DOCK4: variants seen among roughly 807,000 people sequenced by gnomAD.
The protein encoded by DOCK4 is dedicator of cytokinesis protein 4.
A neutral mutation model predicts 268.1 loss-of-function variants in DOCK4; 97 were observed. That is an observed-to-expected ratio of 0.36 (90% confidence interval 0.31 to 0.43). The LOEUF (loss-of-function observed/expected upper bound fraction) is 0.43, where lower values mean the gene tolerates loss of function less well. DOCK4 is among the 20% of genes least tolerant of loss of function. The probability of loss-of-function intolerance (pLI) is 1.00; values close to 1 mark genes in which losing one functional copy is unlikely to be tolerated. For synonymous variants in DOCK4, 954 were observed against 887.2 expected (o/e 1.08, Z -1.34); for missense variants, 2,145 against 2,455.7 (o/e 0.87, Z 2.67).
At chr7:112,124,030 T>A (rs957661231) in intron 1 of DOCK4, among the ~76,000 whole-genome samples, 1 of 147,286 alleles carries the variant, frequency 6.8e-6, no homozygotes, top group South Asian at 2.1e-4. Context: ...ACTAAAAACT[T>A]TTTTTTTTTT....
At chr7:112,071,756 C>G (rs769084) in intron 1 of DOCK4, among the ~76,000 whole-genome samples, 12,456 of 152,172 alleles carry the variant, frequency 0.082, 896 homozygotes, top group East Asian at 0.39. Flanking sequence ...CTTGCCTTAG[C>G]AGAGGAAAAA....
chr7:111,732,488 A>G lies in DOCK4; in HGVS notation c.5420-201T>C, dbSNP rs116701102. The G allele has an allele frequency of 1.2e-3, 736 of 598,974 alleles. 8 individuals carry two copies. The African/African-American group carries it at 0.012, about 10-fold the overall frequency. 37.1% of individuals were successfully genotyped at this position (598,974 alleles called of 1,614,324 possible). On this transcript the variant is annotated intron_variant, in intron 51 of 52. Transcript: ENST00000428084. ...TCACAAAGGGTGGCACTGCCAAGATATGGGAGCATCAGTGAAAAGTTATCA... is the reference window on the plus strand; with the variant it reads ...TCACAAAGGGTGGCACTGCCAAGATGTGGGAGCATCAGTGAAAAGTTATCA...
intron 31 of DOCK4, among the ~76,000 whole-genome samples, chr7:111,789,837 A>G (rs967787899): frequency 1.3e-5 from 2 of 152,186 alleles, no homozygotes; most frequent in Admixed American, 6.5e-5. Flanking sequence ...TAGGCCTACT[A>G]TCTCCAAATT....
chr7:112,171,586 T>C (rs932506430), intron 1 of DOCK4, among the ~76,000 whole-genome samples: 1 of 152,184 alleles, frequency 6.6e-6, no homozygotes, highest in African/African-American at 2.4e-5. Flanking sequence ...ACCAACCACA[T>C]GATGTGGGAA....
chr7:112,069,483 A>G (rs1807383033), intron 1 of DOCK4, among the ~76,000 whole-genome samples: 1 of 152,190 alleles, frequency 6.6e-6, no homozygotes, highest in Non-Finnish European at 1.5e-5. Context: ...AGACTTAGAG[A>G]AAACTGGCTA....
At chr7:111,945,656 C>A in intron 9 of DOCK4, 61 bp downstream of exon 9, 1 of 1,380,020 alleles carries the variant, frequency 7.2e-7, no homozygotes, top group Non-Finnish European at 1.0e-6. Context: ...TTTATTTCTC[C>A]TAAATAGTAT....
At chr7:112,181,933 C>T (rs1259001695) in intron 1 of DOCK4, among the ~76,000 whole-genome samples, 1 of 152,174 alleles carries the variant, frequency 6.6e-6, no homozygotes, top group African/African-American at 2.4e-5. Context: ...GTGAGAACTC[C>T]AGGCACTGGG....
intron 1 of DOCK4, among the ~76,000 whole-genome samples, chr7:112,105,714 C>T (rs1488233688): frequency 4.2e-5 from 6 of 143,806 alleles, no homozygotes; most frequent in Non-Finnish European, 9.0e-5. Context: ...TTCGAGGCAG[C>T]GTCTCAGTCT....
chr7:112,158,887 T>C (rs544903100), intron 1 of DOCK4, among the ~76,000 whole-genome samples: 5 of 152,320 alleles, frequency 3.3e-5, no homozygotes, highest in Non-Finnish European at 5.9e-5. Flanking sequence ...CCATTCTCTT[T>C]TACTACTAGC....
chr7:112,130,496 T>C (rs574168728), intron 1 of DOCK4, among the ~76,000 whole-genome samples: 1 of 152,364 alleles, frequency 6.6e-6, no homozygotes, highest in East Asian at 1.9e-4. Context: ...AATAATGTGA[T>C]GCTTTTGTCA....
chr7:112,036,701 C>T lies in DOCK4; in HGVS notation c.38-32570G>A, dbSNP rs149900173. 4.6e-3 allele frequency among the ~76,000 whole-genome samples: 692 copies of T among 150,682 alleles called. 6 individuals carry two copies. The highest frequency in any genetic ancestry group is 0.015 in the African/African-American group (622 of 40,856). The stretch of plus-strand genomic sequence containing the variant: ...CCGGAGACGGAGTCTCGCTCCATCG[C>T]CCAGGCTGGAGTGCAGTGGCATGAT... On this transcript the variant is annotated intron_variant, in intron 1 of 52. Coordinates refer to ENST00000428084, the MANE Select transcript of DOCK4 (RefSeq NM_001363540.2).
At chr7:111,902,156 C>T (rs773859280) in intron 13 of DOCK4, among the ~76,000 whole-genome samples, 1 of 152,106 alleles carries the variant, frequency 6.6e-6, no homozygotes, top group Non-Finnish European at 1.5e-5. Flanking sequence ...TCAGAGAAAC[C>T]AGTCTTATTA....
intron 11 of DOCK4, 78 bp from the exon 12 acceptor site, chr7:111,935,706 T>C: frequency 7.8e-7 from 1 of 1,282,730 alleles, no homozygotes; most frequent in Non-Finnish European, 1.1e-6. Context: ...CATCTGCCCT[T>C]TTCGTTATAA....
Position 111,804,578 on chromosome 7 carries a change from A to G in DOCK4, c.3166+4243T>C, listed in dbSNP as rs191782175. On this transcript the variant is annotated intron_variant, in intron 30 of 52. Coordinates refer to ENST00000428084, the MANE Select transcript of DOCK4 (RefSeq NM_001363540.2). ...CTGAGCTGTGGCCTGAAAAATAGTT[A>G]GAATGCACATTTATTTATATTTATT... 6.7e-3 allele frequency among the ~76,000 whole-genome samples: 1,017 copies of G among 152,190 alleles called. 7 individuals carry two copies. Among genetic ancestry groups the G allele is most frequent in the South Asian group, 0.042 (201 of 4,814 alleles).
In DOCK4 at chr7:111,726,745, A is replaced by T. The variant is rs1195592408; in HGVS notation, c.*1529T>A. 6.6e-6 allele frequency: 1 copy of T among 152,666 alleles called. No homozygotes were observed. Among genetic ancestry groups the T allele is most frequent in the African/African-American group, 2.4e-5 (1 of 41,474 alleles). The allele number at this position is 152,666 out of a possible 1,614,324, so 9.5% of individuals were successfully genotyped here. A position where few individuals can be genotyped will look rare whatever the true frequency, so the allele number is the denominator to read the frequency against. On this transcript the variant is annotated 3_prime_UTR_variant, in exon 53 of 53. Transcript: ENST00000428084. ...GGCATAATTATAACAATCATACTGC[A>T]TCAACAACTGTTTGCGTTTATTTTT...
chr7:112,124,248 T>C (rs1813014415), intron 1 of DOCK4, among the ~76,000 whole-genome samples: 1 of 152,188 alleles, frequency 6.6e-6, no homozygotes, highest in Admixed American at 6.5e-5. Flanking sequence ...CCTGAGTTCC[T>C]GGTCTCAAGC....
chr7:112,092,880 A>G (rs986348435), intron 1 of DOCK4, among the ~76,000 whole-genome samples: 2 of 152,048 alleles, frequency 1.3e-5, no homozygotes, highest in African/African-American at 4.8e-5. Flanking sequence ...ACACCTCAGG[A>G]TGTCAGAAAG....
chr7:111,875,945 G>A (rs1393881357), intron 17 of DOCK4, among the ~76,000 whole-genome samples: 1 of 152,158 alleles, frequency 6.6e-6, no homozygotes, highest in South Asian at 2.1e-4. Flanking sequence ...AAACATGAAT[G>A]CAAACTCTAC....
Position 112,206,214 on chromosome 7 carries a change from C to G in DOCK4, c.-76G>C. 6.8e-7 allele frequency: 1 copy of G among 1,480,412 alleles called. No homozygotes were observed. The highest frequency in any genetic ancestry group is 9.2e-7 in the Non-Finnish European group (1 of 1,083,468). 91.7% of individuals were successfully genotyped at this position (1,480,412 alleles called of 1,614,324 possible). A position where few individuals can be genotyped will look rare whatever the true frequency, so the allele number is the denominator to read the frequency against. On this transcript the variant is annotated 5_prime_UTR_variant, in exon 1 of 53. Transcript: ENST00000428084. ...TCCGGCTCACAACAATGCACAGTCCCCGAGCAGCGCTGCAGTGCCGGAGCC... is the reference window on the plus strand; with the variant it reads ...TCCGGCTCACAACAATGCACAGTCCGCGAGCAGCGCTGCAGTGCCGGAGCC...
Sources: gnomAD v4.1 joint callset for allele counts (sites outside exome capture counted in the v4.1 genomes callset) on GRCh38, gnomAD v4.1.1 for gene constraint, MANE v1.5 for transcripts, NCBI Gene and HGNC (gene_info 2026-07-23, HGNC 2026-07-21) for gene names.